Variants in EFHC2 observed in about 807,000 individuals in gnomAD.
EFHC2 encodes the protein EF-hand domain-containing family member C2.
In EFHC2, 18 loss-of-function variants were observed where a neutral mutation model predicts 52.7. The ratio of observed to expected loss-of-function variants is 0.34; its 90% CI spans 0.24 to 0.51. The LOEUF is 0.51. Ranked by LOEUF, EFHC2 falls within the 20% of genes least tolerant of loss-of-function variation. EFHC2 has a pLI of 0.97. For synonymous variants in EFHC2, 203 were observed against 204.1 expected (o/e 0.99, Z 0.04); for missense variants, 513 against 562.5 (o/e 0.91, Z 0.89).
chrX:44,215,536 G>C (rs903296629), intron 11 of EFHC2, among the ~76,000 whole-genome samples: 11 of 106,257 alleles, frequency 1.0e-4, no homozygotes, highest in Non-Finnish European at 1.6e-4. Context: ...CATTGGGGGG[G>C]GGTGGTGGGT....
chrX:44,278,734 T>G (rs2037679848), intron 2 of EFHC2, among the ~76,000 whole-genome samples: 1 of 111,561 alleles, frequency 9.0e-6, no homozygotes, highest in African/African-American at 3.3e-5. Context: ...CAAACAAATC[T>G]TGCTATTATA....
Position 44,181,053 on chromosome X carries a change from C to T in EFHC2, c.1752-2489G>A, listed in dbSNP as rs749966030. Reference sequence around the variant, plus strand: ...GAGGCTGCAGTGAGCTATGATCATACCACTGCACTCCAGCATGAGTGACAG... The same window carrying T: ...GAGGCTGCAGTGAGCTATGATCATATCACTGCACTCCAGCATGAGTGACAG... On this transcript the variant is annotated intron_variant, in intron 11 of 14. Transcript: ENST00000420999. Among the ~76,000 whole-genome samples the T allele has an allele frequency of 5.8e-4, 64 of 110,773 alleles. 1 individual carries two copies. Among genetic ancestry groups the T allele is most frequent in the South Asian group, 2.3e-3 (6 of 2,598 alleles).
chrX:44,319,770 T>C (rs908512082), intron 1 of EFHC2, among the ~76,000 whole-genome samples: 1 of 112,000 alleles, frequency 8.9e-6, no homozygotes, highest in African/African-American at 3.2e-5. Context: ...CAAAAGTGAT[T>C]CAATTCACAG....
At chrX:44,265,553 G>A (rs1033550663) in intron 3 of EFHC2, among the ~76,000 whole-genome samples, 2 of 112,175 alleles carry the variant, frequency 1.8e-5, no homozygotes, top group Admixed American at 9.5e-5. Context: ...ACAGGCGTGA[G>A]CCACTGCACC....
intron 2 of EFHC2, among the ~76,000 whole-genome samples, chrX:44,277,288 A>G (rs1028764689): frequency 1.8e-5 from 2 of 108,634 alleles, no homozygotes; most frequent in African/African-American, 6.7e-5. Flanking sequence ...AAAATCTTAC[A>G]GCTGAATTTC....
intron 4 of EFHC2, among the ~76,000 whole-genome samples, chrX:44,254,218 C>T (rs986648859): frequency 1.8e-5 from 2 of 111,965 alleles, no homozygotes; most frequent in South Asian, 7.5e-4. Flanking sequence ...TCTTCTCCTC[C>T]GAAGGATCAC....
intron 14 of EFHC2, among the ~76,000 whole-genome samples, chrX:44,150,558 A>T (rs1271584441): frequency 8.9e-6 from 1 of 111,801 alleles, no homozygotes; most frequent in East Asian, 2.8e-4. Context: ...AAATCTGATT[A>T]GAAACTGATT....
At chrX:44,205,218 G>A (rs1262658551) in intron 11 of EFHC2, among the ~76,000 whole-genome samples, 1 of 111,130 alleles carries the variant, frequency 9.0e-6, no homozygotes, top group Non-Finnish European at 1.9e-5. Context: ...ACATGGAAAT[G>A]AAAGAACAAT....
intron 4 of EFHC2, among the ~76,000 whole-genome samples, chrX:44,258,287 A>T (rs913433267): frequency 2.7e-5 from 3 of 111,902 alleles, no homozygotes; most frequent in Non-Finnish European, 5.6e-5. Context: ...GACAAATGGG[A>T]TCTAATTAAA....
At chrX:44,164,889 T>C (rs1446712479) in intron 13 of EFHC2, among the ~76,000 whole-genome samples, 3 of 112,064 alleles carry the variant, frequency 2.7e-5, no homozygotes, top group Admixed American at 1.9e-4. Flanking sequence ...TTCCTAATTA[T>C]GGATATTAGA....
intron 1 of EFHC2, among the ~76,000 whole-genome samples, chrX:44,319,865 C>T (rs1057006158): frequency 8.9e-6 from 1 of 112,357 alleles, no homozygotes; most frequent in African/African-American, 3.2e-5. Flanking sequence ...TCTAAAGTTT[C>T]ACAGCCTCTG....
chrX:44,153,371 T>G (rs2036584308), intron 14 of EFHC2, among the ~76,000 whole-genome samples: 1 of 112,063 alleles, frequency 8.9e-6, no homozygotes, highest in African/African-American at 3.2e-5. Context: ...GGCCCCATTG[T>G]GCTCTTTCTT....
At chrX:44,162,214 G>A (rs1333041740) in intron 14 of EFHC2, among the ~76,000 whole-genome samples, 1 of 111,621 alleles carries the variant, frequency 9.0e-6, no homozygotes, top group Admixed American at 9.5e-5. Context: ...CTTGAGGCCG[G>A]GAGTTCGAGA....
At chrX:44,250,818 C>T (rs1490523999) in intron 4 of EFHC2, among the ~76,000 whole-genome samples, 5 of 89,340 alleles carry the variant, frequency 5.6e-5, no homozygotes, top group Admixed American at 1.3e-4. Flanking sequence ...GAGTGAGACT[C>T]CATTTCGAAA....
intron 2 of EFHC2, among the ~76,000 whole-genome samples, chrX:44,309,038 G>A (rs778933977): frequency 2.1e-3 from 238 of 112,798 alleles, no homozygotes; most frequent in Middle Eastern, 4.6e-3. Flanking sequence ...TAATCCTGCT[G>A]TGCCAAGCTC....
At chrX:44,258,038 G>T (rs182600187) in intron 4 of EFHC2, among the ~76,000 whole-genome samples, 70 of 111,886 alleles carry the variant, frequency 6.3e-4, no homozygotes, top group African/African-American at 2.2e-3. Flanking sequence ...ATGAGGAAAG[G>T]ATTCCTTATT....
At chrX:44,270,680 A>T (rs1406574645) in intron 3 of EFHC2, among the ~76,000 whole-genome samples, 1 of 111,429 alleles carries the variant, frequency 9.0e-6, no homozygotes, top group Non-Finnish European at 1.9e-5. Flanking sequence ...TGAGCACCCA[A>T]TATTTATGAG....
At chrX:44,159,372 TACTGTATAA>T (rs913606484) in intron 14 of EFHC2, among the ~76,000 whole-genome samples, 13 of 112,007 alleles carry the variant, frequency 1.2e-4, no homozygotes, top group Non-Finnish European at 2.4e-4. Context: ...TCCTGTATTC[TACTGTATAA>T]ACTATTCAAC....
At chrX:44,295,541 G>A (rs1420897720) in intron 2 of EFHC2, among the ~76,000 whole-genome samples, 1 of 111,540 alleles carries the variant, frequency 9.0e-6, no homozygotes, top group Non-Finnish European at 1.9e-5. Flanking sequence ...GGTCAAAGGA[G>A]TCTAAACATT....
Sources: gnomAD v4.1 joint callset for allele counts (sites outside exome capture counted in the v4.1 genomes callset) on GRCh38, gnomAD v4.1.1 for gene constraint, MANE v1.5 for transcripts, NCBI Gene and HGNC (gene_info 2026-07-23, HGNC 2026-07-21) for gene names.